Variants in COMMD1 observed in about 807,000 individuals in gnomAD.
COMMD1 encodes copper metabolism domain containing 1, also known as COMM domain-containing protein 1.
In COMMD1, 10 loss-of-function variants were observed where a neutral mutation model predicts 17.2. The ratio of observed to expected loss-of-function variants is 0.58; its 90% CI spans 0.36 to 0.99. COMMD1 has a LOEUF of 0.99. COMMD1 is among the 50% of genes least tolerant of loss of function. The pLI, the probability that COMMD1 is intolerant of heterozygous loss-of-function variation, is 0.01. For synonymous variants in COMMD1, 97 were observed against 91.6 expected (o/e 1.06, Z -0.34); for missense variants, 270 against 231.8 (o/e 1.17, Z -1.07).
intron 1 of COMMD1, among the ~76,000 whole-genome samples, chr2:61,911,257 C>T (rs1300840806): frequency 1.3e-5 from 2 of 151,950 alleles, no homozygotes; most frequent in Non-Finnish European, 2.9e-5. Flanking sequence ...GGCGGATCAC[C>T]TGAGGTCAGG....
chr2:61,894,768 T>G lies in COMMD1; in HGVS notation n.119+5926T>G, dbSNP rs554736700. 2.0e-4 allele frequency among the ~76,000 whole-genome samples: 31 copies of G among 152,088 alleles called. No individual in the cohort carries two copies. The East Asian group carries it at 5.6e-3, about 27-fold the overall frequency. On this transcript the variant is annotated intron_variant and non_coding_transcript_variant, in intron 1 of 2. Coordinates refer to the COMMD1 transcript ENST00000472729. ...AGGCTGGAGTGCAATGGTGCGATCTTGACTCACTGCAACCTCCACCTCCCA... is the reference window on the plus strand; with the variant it reads ...AGGCTGGAGTGCAATGGTGCGATCTGGACTCACTGCAACCTCCACCTCCCA...
intron 2 of COMMD1, among the ~76,000 whole-genome samples, chr2:62,014,655 G>A (rs1017043726): frequency 6.9e-6 from 1 of 145,360 alleles, no homozygotes; most frequent in Non-Finnish European, 1.5e-5. Flanking sequence ...TCTACCTCCT[G>A]GGTTCAGGCG....
intron 2 of COMMD1, among the ~76,000 whole-genome samples, chr2:62,120,907 G>C (rs868511909): frequency 7.2e-5 from 11 of 151,816 alleles, no homozygotes; most frequent in African/African-American, 1.2e-4. Context: ...TTTTGTTTTT[G>C]TTTTTCTTTT....
intron 1 of COMMD1, among the ~76,000 whole-genome samples, chr2:61,936,282 A>C (rs1171091229): frequency 6.6e-6 from 1 of 152,132 alleles, no homozygotes; most frequent in South Asian, 2.1e-4. Flanking sequence ...ACCCCAGAGT[A>C]CCTTTATAAT....
chr2:61,913,104 C>T (rs934377214), intron 1 of COMMD1, among the ~76,000 whole-genome samples: 1 of 152,106 alleles, frequency 6.6e-6, no homozygotes, highest in African/African-American at 2.4e-5. Flanking sequence ...TGCAGTGGCT[C>T]ATGCCTGTAA....
chr2:62,130,575 A>C lies in COMMD1; in HGVS notation c.463-5256A>C, dbSNP rs373923346. Among the ~76,000 whole-genome samples, 25 of 152,350 alleles carry C rather than the reference A, an allele frequency of 1.6e-4. No homozygotes were observed. The East Asian group carries it at 4.4e-3, about 27-fold the overall frequency. On this transcript the variant is annotated intron_variant, in intron 2 of 2. Coordinates refer to ENST00000311832, the MANE Select transcript of COMMD1 (RefSeq NM_152516.4). ...CCAATGTTGTATTATAATCCTAAATATGATCCATAAATTAGAGGATAAAGC... is the reference window on the plus strand; with the variant it reads ...CCAATGTTGTATTATAATCCTAAATCTGATCCATAAATTAGAGGATAAAGC...
At chr2:62,062,941 A>G (rs1248468278) in intron 2 of COMMD1, among the ~76,000 whole-genome samples, 1 of 151,858 alleles carries the variant, frequency 6.6e-6, no homozygotes, top group Non-Finnish European at 1.5e-5. Context: ...TAGGCTGGCC[A>G]GGCATGGTGG....
chr2:62,045,395 TA>T (rs1418204097), intron 2 of COMMD1, among the ~76,000 whole-genome samples: 1 of 152,154 alleles, frequency 6.6e-6, no homozygotes, highest in African/African-American at 2.4e-5. Context: ...TGCTGAGCAG[TA>T]AAGATTTATA....
chr2:61,894,517 G>A (rs1026998766), intron 1 of COMMD1, among the ~76,000 whole-genome samples: 6 of 151,724 alleles, frequency 4.0e-5, no homozygotes, highest in Admixed American at 2.6e-4. Context: ...AGAAATACAA[G>A]GATTTCTTGT....
chr2:61,929,948 T>C (rs1413242217), intron 1 of COMMD1, among the ~76,000 whole-genome samples: 1 of 151,660 alleles, frequency 6.6e-6, no homozygotes, highest in African/African-American at 2.4e-5. Context: ...AAAAAAAGTA[T>C]GCTTTTCTTT....
rs1279120066 is a variant in COMMD1, at chr2:62,123,276, C to T, written c.463-12555C>T. Among the ~76,000 whole-genome samples, 540 of 150,998 alleles carry T rather than the reference C, an allele frequency of 3.6e-3. 2 individuals carry two copies. The highest frequency in any genetic ancestry group is 0.013 in the African/African-American group (514 of 40,422). Reference sequence around the variant, plus strand: ...ATCCCAGCACTTTGGGAGGCTGAGGCAGGCAGATCATGAGGTCAGGAGTTC... The same window carrying T: ...ATCCCAGCACTTTGGGAGGCTGAGGTAGGCAGATCATGAGGTCAGGAGTTC... On this transcript the variant is annotated intron_variant, in intron 2 of 2. Transcript: ENST00000311832.
At chr2:62,025,743 C>T (rs1175992339) in intron 2 of COMMD1, among the ~76,000 whole-genome samples, 1 of 152,112 alleles carries the variant, frequency 6.6e-6, no homozygotes, top group Non-Finnish European at 1.5e-5. Flanking sequence ...GGCTGGAATA[C>T]AGTGGCATGA....
At chr2:62,108,967 A>G (rs1278127017) in intron 2 of COMMD1, among the ~76,000 whole-genome samples, 1 of 152,128 alleles carries the variant, frequency 6.6e-6, no homozygotes, top group Non-Finnish European at 1.5e-5. Context: ...ATGATACTGT[A>G]CTCAGCACTT....
intron 2 of COMMD1, among the ~76,000 whole-genome samples, chr2:62,078,563 A>G (rs1418555165): frequency 6.9e-6 from 1 of 144,468 alleles, no homozygotes; most frequent in Non-Finnish European, 1.5e-5. Context: ...AAAAAAAAAA[A>G]AAAAAGAAAA....
rs13403405 is a variant in COMMD1, at chr2:61,943,879, A to G, written c.180+38021A>G. Among the ~76,000 whole-genome samples the G allele has an allele frequency of 5.4e-3, 826 of 152,218 alleles. 10 individuals carry two copies. The highest frequency in any genetic ancestry group is 0.018 in the African/African-American group (743 of 41,526). On this transcript the variant is annotated intron_variant, in intron 1 of 2. Transcript: ENST00000311832. ...AAAACAAAAAATGACCAGCTCCTGT[A>G]TGCATTTCCTGGACAATAATTTTTT...
chr2:62,085,278 C>T (rs962671909), intron 2 of COMMD1, among the ~76,000 whole-genome samples: 3 of 149,932 alleles, frequency 2.0e-5, no homozygotes, highest in Non-Finnish European at 4.4e-5. Flanking sequence ...AGTGCAGTGG[C>T]GCGATCTCTG....
intron 1 of COMMD1, among the ~76,000 whole-genome samples, chr2:61,900,548 C>G (rs1669635856): frequency 6.6e-6 from 1 of 152,124 alleles, no homozygotes; most frequent in Non-Finnish European, 1.5e-5. Flanking sequence ...TCTTATGATC[C>G]CTATTTTAAC....
At position 61,994,205 on chromosome 2, in the gene COMMD1, A is replaced by G. The variant is rs190027061; in HGVS notation, c.181-6496A>G. Among the ~76,000 whole-genome samples the G allele has an allele frequency of 3.4e-3, 512 of 152,180 alleles. 3 individuals carry two copies. The highest frequency in any genetic ancestry group is 6.8e-3 in the Middle Eastern group (2 of 294). On this transcript the variant is annotated intron_variant, in intron 1 of 2. Coordinates refer to ENST00000311832, the MANE Select transcript of COMMD1 (RefSeq NM_152516.4). ...TTTCTCCATGTTGGTCAGTCTGGTCATGAACTCCTGACCTCAGATGACCTG... is the reference window on the plus strand; with the variant it reads ...TTTCTCCATGTTGGTCAGTCTGGTCGTGAACTCCTGACCTCAGATGACCTG...
chr2:62,025,658 G>A (rs932691072), intron 2 of COMMD1, among the ~76,000 whole-genome samples: 8 of 152,062 alleles, frequency 5.3e-5, no homozygotes, highest in African/African-American at 1.4e-4. Context: ...AGATGACTGG[G>A]GATACACTGT....
Sources: gnomAD v4.1 joint callset for allele counts (sites outside exome capture counted in the v4.1 genomes callset) on GRCh38, gnomAD v4.1.1 for gene constraint, MANE v1.5 for transcripts, NCBI Gene and HGNC (gene_info 2026-07-23, HGNC 2026-07-21) for gene names.